The following MAP4K3 variants were observed in gnomAD, a reference collection of about 807,000 sequenced individuals.
MAP4K3 encodes the protein MAPK/ERK kinase kinase kinase 3.
In MAP4K3, 94 loss-of-function variants were observed where a neutral mutation model predicts 143.5. The observed-to-expected ratio is 0.65, with a 90% CI of 0.55 to 0.78. The LOEUF (loss-of-function observed/expected upper bound fraction) is 0.78. Ranked by LOEUF, MAP4K3 falls within the 30% of genes least tolerant of loss-of-function variation. The pLI is 0.00. For synonymous variants in MAP4K3, 416 were observed against 347.2 expected, an observed-to-expected ratio of 1.20 and a Z score of -2.20; for missense variants, 1,077 against 1,068.1, an observed-to-expected ratio of 1.01 and a Z score of -0.12.
chr2:39,374,634 A>G (rs6742361), intron 2 of MAP4K3, among the ~76,000 whole-genome samples: 197 of 152,148 alleles, frequency 1.3e-3, no homozygotes, highest in African/African-American at 4.6e-3. Flanking sequence ...GTAAGCTGAG[A>G]TCGGGCCACT....
At chr2:39,326,089 G>A (rs1031689493) in intron 9 of MAP4K3, 57 bp downstream of exon 9, 3 of 1,576,056 alleles carry the variant, frequency 1.9e-6, no homozygotes, top group African/African-American at 2.7e-5. Flanking sequence ...GTTCATGACA[G>A]CATACTAAGA....
intron 1 of MAP4K3, among the ~76,000 whole-genome samples, chr2:39,391,659 A>C (rs1221511669): frequency 1.3e-5 from 2 of 152,138 alleles, no homozygotes; most frequent in Non-Finnish European, 2.9e-5. Context: ...GGTGCTCAAA[A>C]TATGTTTGCT....
At chr2:39,350,490 G>C (rs1011671978) in intron 3 of MAP4K3, among the ~76,000 whole-genome samples, 3 of 151,994 alleles carry the variant, frequency 2.0e-5, no homozygotes, top group South Asian at 2.1e-4. Flanking sequence ...AGAGTAGCTG[G>C]GTATAAAGTG....
chr2:39,383,473 T>C (rs1488725528), intron 1 of MAP4K3, among the ~76,000 whole-genome samples: 2 of 152,094 alleles, frequency 1.3e-5, no homozygotes, highest in Non-Finnish European at 2.9e-5. Context: ...CAATTAAAGA[T>C]GAAATTTGGG....
rs1282332106 is a variant in MAP4K3, at chr2:39,265,247, G to C, written c.2092C>G (p.Leu698Val). The change falls in exon 28 of 34, where the codon CTA becomes GTA. Residue 698 changes from leucine to valine, a missense_variant. By Grantham distance (32) the Leu-to-Val change is conservative (BLOSUM62 1). Coordinates refer to ENST00000263881, the MANE Select transcript of MAP4K3 (RefSeq NM_003618.4). The stretch of plus-strand genomic sequence containing the variant: ...TGCATTGGTTCAACCCATTCTAATA[G>C]AACAATGCTAGTCTGAAGTGCTCCA... ...LCGALQTSIV[L>V]LEWVEPMQKF... The C allele has an allele frequency of 1.2e-6, 2 of 1,613,312 alleles. No individual in the cohort carries two copies. Among genetic ancestry groups the C allele is most frequent in the Admixed American group, 1.7e-5 (1 of 59,982 alleles).
rs767764950 is a variant in MAP4K3, at chr2:39,278,473, T to C, written c.1728A>G (p.Ile576Met). Residue 576 changes from isoleucine (I) to methionine (M), a missense_variant, in exon 24 of 34, where the codon ATA (isoleucine) becomes ATG (methionine). Ile to Met is a conservative substitution (Grantham distance 10). Coordinates refer to ENST00000263881, the MANE Select transcript of MAP4K3 (RefSeq NM_003618.4). Reference protein sequence around the residue: ...INPDTRDQYLIFGAEEGIYTL... With the variant: ...INPDTRDQYLMFGAEEGIYTL... Reference sequence around the variant, plus strand: ...TATAAATCCCTTCTTCGGCACCAAATATCAAGTACTGATCTGAAATAAAAG... The same window carrying C: ...TATAAATCCCTTCTTCGGCACCAAACATCAAGTACTGATCTGAAATAAAAG... The C allele has an allele frequency of 3.2e-6, 5 of 1,585,334 alleles. No individual in the cohort carries two copies. The highest frequency in any genetic ancestry group is 4.3e-6 in the Non-Finnish European group (5 of 1,162,752).
intron 2 of MAP4K3, among the ~76,000 whole-genome samples, chr2:39,372,646 GAATGCATTT>G: frequency 6.6e-6 from 1 of 152,144 alleles, no homozygotes; most frequent in South Asian, 2.1e-4. Flanking sequence ...CATGTACAGT[GAATGCATTT>G]TCAACAAAGA....
chr2:39,410,065 C>T (rs1394688738), intron 1 of MAP4K3, among the ~76,000 whole-genome samples: 1 of 152,144 alleles, frequency 6.6e-6, no homozygotes, highest in African/African-American at 2.4e-5. Context: ...TTTCAATATC[C>T]TTTACGTTTT....
At chr2:39,277,721 T>A (rs1039854991) in intron 24 of MAP4K3, among the ~76,000 whole-genome samples, 27 of 152,064 alleles carry the variant, frequency 1.8e-4, no homozygotes, top group African/African-American at 6.3e-4. Context: ...CAGGCCACCA[T>A]GCCCAGCTAA....
chr2:39,282,767 A>G (rs1681593269), intron 21 of MAP4K3, among the ~76,000 whole-genome samples: 1 of 152,216 alleles, frequency 6.6e-6, no homozygotes, highest in Non-Finnish European at 1.5e-5. Flanking sequence ...AAAACCTTCC[A>G]AATCTTTCTC....
rs539723274 is a variant in MAP4K3 at position 39,346,135 on chromosome 2, C to G, written c.246-2683G>C. On this transcript the variant is annotated intron_variant, in intron 3 of 33. Transcript: ENST00000263881. ...CCAGTGGCCTGGTATTAAGAACTTT[C>G]AGAATAGATGTCTGAGACTGGCAGA... 1.7e-4 allele frequency among the ~76,000 whole-genome samples: 26 copies of G among 152,256 alleles called. No individual in the cohort carries two copies. In the South Asian group the frequency reaches 4.1e-3, roughly 24 times the overall value.
intron 3 of MAP4K3, among the ~76,000 whole-genome samples, chr2:39,351,352 TTC>T (rs1234324290): frequency 1.3e-5 from 2 of 152,370 alleles, no homozygotes; most frequent in South Asian, 2.1e-4. Flanking sequence ...TCACAGAGCT[TTC>T]TCTGATTCCC....
At chr2:39,353,989 A>G (rs1406441049) in intron 3 of MAP4K3, among the ~76,000 whole-genome samples, 1 of 152,204 alleles carries the variant, frequency 6.6e-6, no homozygotes, top group Non-Finnish European at 1.5e-5. Context: ...ATCTGTCTCC[A>G]GAACTTAACC....
At chr2:39,410,931 T>C (rs1298595711) in intron 1 of MAP4K3, among the ~76,000 whole-genome samples, 8 of 152,208 alleles carry the variant, frequency 5.3e-5, no homozygotes, top group Admixed American at 2.6e-4. Flanking sequence ...CTTCACCATA[T>C]AATCTACATT....
intron 21 of MAP4K3, among the ~76,000 whole-genome samples, chr2:39,284,733 A>G (rs991765803): frequency 2.0e-5 from 3 of 151,366 alleles, no homozygotes; most frequent in Admixed American, 1.3e-4. Context: ...AATCCCAGCT[A>G]CTCAGGAGGC....
At chr2:39,262,781 T>C (rs896502855) in intron 28 of MAP4K3, among the ~76,000 whole-genome samples, 5 of 152,124 alleles carry the variant, frequency 3.3e-5, no homozygotes, top group Admixed American at 6.6e-5. Flanking sequence ...GCTGGAGAGA[T>C]CTTTAATTTT....
chr2:39,280,845 T>A (rs982097479), intron 22 of MAP4K3, among the ~76,000 whole-genome samples: 28 of 152,268 alleles, frequency 1.8e-4, no homozygotes, highest in African/African-American at 6.5e-4. Context: ...TGCTTCAACC[T>A]CCAAACACAG....
intron 1 of MAP4K3, among the ~76,000 whole-genome samples, chr2:39,413,728 AACT>A (rs1292449614): frequency 6.6e-6 from 1 of 151,680 alleles, no homozygotes; most frequent in Non-Finnish European, 1.5e-5. Flanking sequence ...GTCCGTTAAC[AACT>A]GTCTTCTCAG....
intron 15 of MAP4K3, among the ~76,000 whole-genome samples, chr2:39,301,786 G>T (rs11124674): frequency 6.6e-6 from 1 of 151,994 alleles, no homozygotes; most frequent in South Asian, 2.1e-4. Flanking sequence ...CACTTCGGGA[G>T]GGCCGAGGCG....
Sources: gnomAD v4.1 joint callset for allele counts (sites outside exome capture counted in the v4.1 genomes callset) on GRCh38, gnomAD v4.1.1 for gene constraint, MANE v1.5 for transcripts, NCBI Gene and HGNC (gene_info 2026-07-23, HGNC 2026-07-21) for gene names.